OFD1: variants seen among roughly 807,000 people sequenced by gnomAD.
The protein encoded by OFD1 is centriole and centriolar satellite protein OFD1.
OFD1 carries 12 observed loss-of-function variants against 81.4 expected under a neutral mutation model. The observed-to-expected ratio is 0.15, with a 90% CI of 0.09 to 0.24. The LOEUF (loss-of-function observed/expected upper bound fraction) is 0.24, where lower values mean the gene tolerates loss of function less well. OFD1 is among the 10% of genes least tolerant of loss of function. OFD1 has a pLI of 1.00. For missense variants in OFD1, 685 were observed against 733.9 expected (o/e 0.93, Z 0.77); for synonymous variants, 256 against 263.7 (o/e 0.97, Z 0.28).
In OFD1 at chrX:13,767,260, A is replaced by G; in HGVS notation, c.2733A>G (p.Glu911=). ...AAGTTTTAGAAAGGGAACGAAGAGA[A>G]CTAGAAAAACTGTATCAGGAAAGGG... The part of the protein sequence containing the change: ...LQEVLERERR[E]LEKLYQERKM... The change falls in exon 20 of 23, where the codon GAA becomes GAG. Residue 911 remains glutamate (E), a synonymous_variant. Transcript: ENST00000340096. 8.3e-7 allele frequency: 1 copy of G among 1,211,430 alleles called. No homozygotes were observed. The highest frequency in any genetic ancestry group is 1.1e-6 in the Non-Finnish European group (1 of 895,036).
At chrX:13,768,902 TG>T (rs2048235313) in intron 22 of OFD1, 117 bp downstream of exon 22, 1 of 788,850 alleles carries the variant, frequency 1.3e-6, no homozygotes, top group Non-Finnish European at 1.9e-6. Context: ...TCAAAATTAG[TG>T]ACTATAAAAA....
chrX:13,717,221 T>C, the OFD1 span, among the ~76,000 whole-genome samples: 2 of 110,087 alleles, frequency 1.8e-5, no homozygotes, highest in East Asian at 5.7e-4. Flanking sequence ...TTCCAGTGCA[T>C]GGAGCTTACA....
At chrX:13,765,315 G>A (rs1280433378) in intron 19 of OFD1, among the ~76,000 whole-genome samples, 1 of 110,856 alleles carries the variant, frequency 9.0e-6, no homozygotes, top group Non-Finnish European at 1.9e-5. Context: ...CACCAGAGTA[G>A]AGAAGCAGCT....
At chrX:13,772,802 ACACATCTGTACTGCAGAGCAGCTGT>A, downstream of OFD1, 2 of 942,358 alleles carry the variant, frequency 2.1e-6, no homozygotes, top group Middle Eastern at 2.8e-4. Flanking sequence ...TTGGTGGGAT[ACACATCTGTACTGCAGAGCAGCTGT>A]CTGATGATTT....
chrX:13,714,650 C>T, the OFD1 span: 176 of 384,488 alleles, frequency 4.6e-4, 1 homozygote, highest in Admixed American at 4.2e-3. Context: ...GAAAATGCTG[C>T]ATTGTTAATA....
intron 3 of OFD1, among the ~76,000 whole-genome samples, chrX:13,737,964 C>T (rs745830951): frequency 9.9e-5 from 11 of 111,151 alleles, no homozygotes; most frequent in Admixed American, 2.9e-4. Flanking sequence ...ATTCTCCTGC[C>T]TCAGCCTCCC....
upstream of OFD1, among the ~76,000 whole-genome samples, chrX:13,732,316 G>A (rs1361829658): frequency 8.9e-6 from 1 of 112,219 alleles, no homozygotes; most frequent in Admixed American, 9.4e-5. Flanking sequence ...AACAGAGGAT[G>A]TTTAAACGGA....
chrX:13,731,935 T>A (rs1029574202), upstream of OFD1, among the ~76,000 whole-genome samples: 1 of 111,802 alleles, frequency 8.9e-6, no homozygotes, highest in African/African-American at 3.3e-5. Flanking sequence ...TAAGGTGAAA[T>A]TAACAAGATA....
chrX:13,770,245 AC>A (rs746921042), downstream of OFD1, among the ~76,000 whole-genome samples: 10 of 112,150 alleles, frequency 8.9e-5, no homozygotes, highest in African/African-American at 2.6e-4. Flanking sequence ...AAATAATTGC[AC>A]AAAATGCTAC....
chrX:13,762,823 G>A (rs112190074), intron 18 of OFD1, among the ~76,000 whole-genome samples: 306 of 111,527 alleles, frequency 2.7e-3, no homozygotes, highest in Non-Finnish European at 4.1e-3. Context: ...ACAGTGGTCC[G>A]ATCTTGGCTC....
chrX:13,755,643 T>A (rs1049316089), intron 12 of OFD1, among the ~76,000 whole-genome samples: 2 of 112,391 alleles, frequency 1.8e-5, no homozygotes, highest in African/African-American at 6.5e-5. Context: ...GCCTGTTATC[T>A]CCTTCCATCA....
upstream of OFD1, chrX:13,734,571 A>T: frequency 1.9e-6 from 1 of 518,266 alleles, no homozygotes; most frequent in Admixed American, 6.5e-5. Flanking sequence ...GTTTCCGCGG[A>T]AGAGACCCGC....
Position 13,746,307 on chromosome X carries a change from AT to A in OFD1, c.518-6del, listed in dbSNP as rs1569121203. 1 of 1,204,993 alleles carries A rather than the reference AT, an allele frequency of 8.3e-7. No individual in the cohort carries two copies. The highest frequency in any genetic ancestry group is 1.1e-6 in the Non-Finnish European group (1 of 890,673). ...TTTCTATGTCCTAATTTGATGTGTTATTTTTTAATAGCTGAGAAGCTTCAGC... is the reference window on the plus strand; with the variant it reads ...TTTCTATGTCCTAATTTGATGTGTTATTTTTAATAGCTGAGAAGCTTCAGC... On this transcript the variant is annotated splice_polypyrimidine_tract_variant and intron_variant, in intron 6 of 22. Transcript: ENST00000340096.
chrX:13,725,257 C>A, the OFD1 span, among the ~76,000 whole-genome samples: 31 of 113,121 alleles, frequency 2.7e-4, no homozygotes, highest in African/African-American at 9.9e-4. Context: ...GCTCCCCCAA[C>A]GTGGTGCTTG....
chrX:13,746,994 G>C, intron 8 of OFD1, 41 bp downstream of exon 8: 1 of 1,142,677 alleles, frequency 8.8e-7, no homozygotes, highest in East Asian at 3.0e-5. Flanking sequence ...ATTTCCTGCA[G>C]CTATTAGTAG....
chrX:13,735,004 C>T lies in OFD1; in HGVS notation c.-68C>T. 8.6e-7 allele frequency: 1 copy of T among 1,168,135 alleles called. No individual in the cohort carries two copies. The highest frequency in any genetic ancestry group is 1.1e-6 in the Non-Finnish European group (1 of 877,195). On this transcript the variant is annotated 5_prime_UTR_variant, in exon 1 of 23. Transcript: ENST00000340096. ...TCCCCCTCGTCTTGGCCCCACCGCCCGGGCTGGGCACTAAACTCGGGCCGC... is the reference window on the plus strand; with the variant it reads ...TCCCCCTCGTCTTGGCCCCACCGCCTGGGCTGGGCACTAAACTCGGGCCGC...
the OFD1 span, among the ~76,000 whole-genome samples, chrX:13,727,365 C>T: frequency 2.7e-5 from 3 of 112,249 alleles, no homozygotes; most frequent in African/African-American, 9.7e-5. Flanking sequence ...AGCACTCCAG[C>T]AAATGTAAAA....
Position 13,758,415 on chromosome X carries a change from G to C in OFD1, c.1621G>C (p.Asp541His). The stretch of plus-strand genomic sequence containing the variant: ...AAAGAGTTTAACTACTCAGGTTGCC[G>C]ATTTAAAATTGCAACTGAAGCAAAC... Reference protein sequence around the residue: ...SVKSLTTQVADLKLQLKQTQT... With the variant: ...SVKSLTTQVAHLKLQLKQTQT... Residue 541 changes from aspartate to histidine, a missense_variant, in exon 15 of 23, where the codon GAT becomes CAT. Around this residue, in one of 3 missense-constraint regions of OFD1, gnomAD observed 414 missense variants for 447.2 expected, o/e 0.93. Coordinates refer to ENST00000340096, the MANE Select transcript of OFD1 (RefSeq NM_003611.3). 1 of 1,201,699 alleles carries C rather than the reference G, an allele frequency of 8.3e-7. No individual in the cohort carries two copies. The highest frequency in any genetic ancestry group is 1.8e-5 in the South Asian group (1 of 56,691).
upstream of OFD1, chrX:13,734,239 T>G (rs2046754830): frequency 2.6e-6 from 1 of 391,408 alleles, no homozygotes; most frequent in African/African-American, 2.6e-5. Flanking sequence ...CAGGACAGCC[T>G]CCCAAAACAA....
Sources: allele counts gnomAD v4.1 joint callset (sites outside exome capture counted in the v4.1 genomes callset), GRCh38; gene constraint gnomAD v4.1.1; regional missense constraint gnomAD v4.1.1; transcripts MANE v1.5; gene names NCBI Gene and HGNC (gene_info 2026-07-23, HGNC 2026-07-21).